F8: variants seen among roughly 807,000 people sequenced by gnomAD.
The protein encoded by F8 is antihemophilic factor.
In F8, 12 loss-of-function variants were observed where a neutral mutation model predicts 140.6. The observed-to-expected ratio is 0.09, with a 90% CI of 0.05 to 0.14. The LOEUF is 0.14. F8 is among the 10% of genes least tolerant of loss of function. The pLI is 1.00. For missense variants in F8, 1,354 were observed against 1,720.7 expected (o/e 0.79, Z 3.77); for synonymous variants, 585 against 614.6 (o/e 0.95, Z 0.71).
intron 2 of F8, among the ~76,000 whole-genome samples, chrX:154,998,009 G>T (rs189202426): frequency 1.9e-3 from 219 of 112,509 alleles, no homozygotes; most frequent in African/African-American, 6.7e-3. Context: ...ACAGTCTGTT[G>T]AATGAACTGG....
At chrX:154,891,914 A>G (rs1557275203) in intron 22 of F8, among the ~76,000 whole-genome samples, 1 of 111,820 alleles carries the variant, frequency 8.9e-6, no homozygotes, top group African/African-American at 3.3e-5. Context: ...CTGGTTTGTG[A>G]GGCACCTATC....
chrX:154,922,123 T>C (rs1557277621), intron 14 of F8, among the ~76,000 whole-genome samples: 1 of 112,321 alleles, frequency 8.9e-6, no homozygotes, highest in Non-Finnish European at 1.9e-5. Flanking sequence ...TAACAGCCAG[T>C]CTTATATGCT....
intron 1 of F8, among the ~76,000 whole-genome samples, chrX:155,015,372 T>G (rs1455422279): frequency 1.8e-5 from 2 of 111,729 alleles, no homozygotes; most frequent in Non-Finnish European, 3.8e-5. Flanking sequence ...AACTATAAAT[T>G]TCCACTATTT....
intron 22 of F8, among the ~76,000 whole-genome samples, chrX:154,866,291 A>G (rs1176287732): frequency 1.8e-5 from 2 of 111,972 alleles, no homozygotes; most frequent in African/African-American, 6.5e-5. Flanking sequence ...ATAACAATAT[A>G]ATATAGTTGA....
At chrX:154,982,468 T>C (rs967612239) in intron 6 of F8, among the ~76,000 whole-genome samples, 1 of 102,444 alleles carries the variant, frequency 9.8e-6, no homozygotes, top group Admixed American at 1.1e-4. Flanking sequence ...AAAAAAAATA[T>C]ATATATATAT....
intron 13 of F8, among the ~76,000 whole-genome samples, chrX:154,945,258 A>T (rs1160894593): frequency 3.6e-5 from 4 of 111,534 alleles, no homozygotes; most frequent in Non-Finnish European, 5.7e-5. Context: ...CCACAAGGCC[A>T]GTATTACCCT....
At chrX:154,951,366 T>TA (rs1355788499) in intron 12 of F8, among the ~76,000 whole-genome samples, 1 of 112,150 alleles carries the variant, frequency 8.9e-6, no homozygotes, top group African/African-American at 3.2e-5. Context: ...TTCTAAGAGG[T>TA]AGCCACTATC....
intron 1 of F8, among the ~76,000 whole-genome samples, chrX:155,013,479 C>T (rs1159891324): frequency 1.8e-5 from 2 of 111,619 alleles, no homozygotes; most frequent in African/African-American, 6.5e-5. Flanking sequence ...ACTGTGAGTC[C>T]ATTAAATCTC....
intron 14 of F8, among the ~76,000 whole-genome samples, chrX:154,915,862 G>A (rs1419780551): frequency 8.9e-6 from 1 of 111,916 alleles, no homozygotes; most frequent in African/African-American, 3.2e-5. Context: ...ATTGATGAAA[G>A]TGGGCATGCT....
chrX:154,870,264 T>C (rs1380621880), intron 22 of F8, among the ~76,000 whole-genome samples: 4 of 110,638 alleles, frequency 3.6e-5, no homozygotes, highest in Non-Finnish European at 5.7e-5. Flanking sequence ...TTCAGGCCAA[T>C]ATCCCTGATG....
intron 3 of F8, among the ~76,000 whole-genome samples, chrX:154,994,413 C>T (rs2073605987): frequency 8.9e-6 from 1 of 112,086 alleles, no homozygotes; most frequent in Non-Finnish European, 1.9e-5. Context: ...TCTTAATTGC[C>T]TCAAAGGCAT....
intron 9 of F8, among the ~76,000 whole-genome samples, chrX:154,964,728 AT>A (rs1354284176): frequency 8.9e-6 from 1 of 111,820 alleles, no homozygotes; most frequent in Non-Finnish European, 1.9e-5. Flanking sequence ...AGAGAATAAA[AT>A]ATAGACTATT....
chrX:154,905,218 A>G (rs1340301434), intron 15 of F8, among the ~76,000 whole-genome samples, 195 bp from the exon 16 acceptor site: 8 of 111,207 alleles, frequency 7.2e-5, no homozygotes, highest in African/African-American at 2.6e-4. Context: ...TTGTATTCTA[A>G]ATTTAAGGTA....
chrX:154,945,237 C>T (rs1557280206), intron 13 of F8, among the ~76,000 whole-genome samples: 1 of 111,004 alleles, frequency 9.0e-6, no homozygotes, highest in Admixed American at 9.6e-5. Context: ...AAAAATACTT[C>T]CAAACTGATT....
intron 13 of F8, among the ~76,000 whole-genome samples, chrX:154,937,287 T>A (rs1356894809): frequency 4.5e-5 from 5 of 110,756 alleles, no homozygotes; most frequent in East Asian, 2.8e-4. Flanking sequence ...AACAAAAAAA[T>A]TTTTTTAATT....
intron 14 of F8, among the ~76,000 whole-genome samples, chrX:154,921,914 G>A (rs1241637112): frequency 1.8e-5 from 2 of 110,822 alleles, no homozygotes; most frequent in Non-Finnish European, 3.8e-5. Context: ...AGCATTAGGA[G>A]ATATACCTAA....
intron 22 of F8, among the ~76,000 whole-genome samples, chrX:154,873,196 A>T (rs901781034): frequency 9.0e-5 from 10 of 110,658 alleles, no homozygotes; most frequent in Non-Finnish European, 1.9e-4. Flanking sequence ...ATTAATATGA[A>T]ATCACAAAAG....
chrX:154,860,616 C>A lies in F8; in HGVS notation c.6724-8G>T, dbSNP rs782012093. The A allele has an allele frequency of 5.8e-6, 7 of 1,210,193 alleles. No homozygotes were observed. In the East Asian group the frequency reaches 1.8e-4, roughly 31 times the overall value. ...CTCTTTTGGATTATTCACCTGAGGG[C>A]AATAGAGTTGGACTAGTAGCCTCTT... On this transcript the variant is annotated splice_polypyrimidine_tract_variant and splice_region_variant and intron_variant, in intron 24 of 25. Coordinates refer to ENST00000360256, the MANE Select transcript of F8 (RefSeq NM_000132.4).
intron 9 of F8, among the ~76,000 whole-genome samples, chrX:154,961,997 C>A (rs782596140): frequency 2.3e-4 from 26 of 111,426 alleles, no homozygotes; most frequent in Non-Finnish European, 4.0e-4. Flanking sequence ...ACATATACAG[C>A]CTAATTTTCA....
Sources: allele counts gnomAD v4.1 joint callset (sites outside exome capture counted in the v4.1 genomes callset), GRCh38; gene constraint gnomAD v4.1.1; transcripts MANE v1.5; gene names NCBI Gene and HGNC (gene_info 2026-07-23, HGNC 2026-07-21).